Variants in KPNA4 observed in about 807,000 individuals in gnomAD.
The protein encoded by KPNA4 is importin subunit alpha-3.
In KPNA4, 13 loss-of-function variants were observed where a neutral mutation model predicts 71.3. That is an observed-to-expected ratio of 0.18 (90% confidence interval 0.12 to 0.29). The LOEUF (loss-of-function observed/expected upper bound fraction) is 0.29. KPNA4 is among the 10% of genes least tolerant of loss of function. The pLI, the probability that KPNA4 is intolerant of heterozygous loss-of-function variation, is 1.00. For synonymous variants in KPNA4, 189 were observed against 195.2 expected, an observed-to-expected ratio of 0.97 and a Z score of 0.26; for missense variants, 334 against 603.2, an observed-to-expected ratio of 0.55 and a Z score of 4.67.
At chr3:160,531,012 T>G in intron 6 of KPNA4, 72 bp from the exon 7 acceptor site, 1 of 994,912 alleles carries the variant, frequency 1.0e-6, no homozygotes, top group South Asian at 1.5e-5. Flanking sequence ...CCATTCTTCC[T>G]TCTACCATTT....
chr3:160,522,379 A>T (rs1246033155), intron 10 of KPNA4, among the ~76,000 whole-genome samples: 1 of 152,264 alleles, frequency 6.6e-6, no homozygotes, highest in Non-Finnish European at 1.5e-5. Context: ...CCTAAAGCCA[A>T]TAACCCAAGT....
chr3:160,503,809 G>A (rs957773053), intron 16 of KPNA4, among the ~76,000 whole-genome samples: 10 of 152,202 alleles, frequency 6.6e-5, no homozygotes, highest in African/African-American at 1.9e-4. Context: ...CAGGCTGGGC[G>A]TGGTGGCTCA....
intron 13 of KPNA4, among the ~76,000 whole-genome samples, chr3:160,511,068 G>A (rs1259541302): frequency 3.3e-5 from 5 of 151,570 alleles, no homozygotes; most frequent in African/African-American, 7.3e-5. Context: ...GGGATTACAC[G>A]TGTGAGCCAC....
In KPNA4 at chr3:160,531,454, G is replaced by A. The variant is rs2108552246; in HGVS notation, c.383+8C>T. ...AATTAAAAAAAAAAAAATAAATAAT[G>A]TACTCACTTGTCATCTCTTTCAAGA... On this transcript the variant is annotated splice_region_variant and intron_variant, in intron 6 of 16. Transcript: ENST00000334256. The A allele has an allele frequency of 2.3e-6, 3 of 1,326,042 alleles. No individual in the cohort carries two copies. The highest frequency in any genetic ancestry group is 4.9e-5 in the East Asian group (2 of 41,050). 82.1% of individuals were successfully genotyped at this position (1,326,042 alleles called of 1,614,324 possible). A position where few individuals can be genotyped will look rare whatever the true frequency, so the allele number is the denominator to read the frequency against.
Position 160,565,551 on chromosome 3 carries a change from A to AG in KPNA4, c.-270dup, listed in dbSNP as rs1722337438. On this transcript the variant is annotated 5_prime_UTR_variant, in exon 1 of 17. Transcript: ENST00000334256. ...GCGACGGAATGTGCTGCCGGCTGAG[A>AG]GGGGGAGGCAGCCTCGATCTGAGGG... 1 of 527,464 alleles carries AG rather than the reference A, an allele frequency of 1.9e-6. No individual in the cohort carries two copies. Among genetic ancestry groups the AG allele is most frequent in the African/African-American group, 2.0e-5 (1 of 49,200 alleles). 32.7% of individuals were successfully genotyped at this position (527,464 alleles called of 1,614,324 possible).
At chr3:160,525,563 A>G (rs931223878) in intron 10 of KPNA4, among the ~76,000 whole-genome samples, 2 of 152,200 alleles carry the variant, frequency 1.3e-5, no homozygotes, top group South Asian at 2.1e-4. Flanking sequence ...CCACACCAAA[A>G]TAACAGTTAT....
At chr3:160,502,593 A>G (rs999673395) in intron 16 of KPNA4, among the ~76,000 whole-genome samples, 1 of 151,448 alleles carries the variant, frequency 6.6e-6, no homozygotes, top group African/African-American at 2.4e-5. Flanking sequence ...CTGGTCTCAA[A>G]CTCCTAAGCT....
At chr3:160,524,107 A>G (rs1721414774) in intron 10 of KPNA4, among the ~76,000 whole-genome samples, 1 of 152,204 alleles carries the variant, frequency 6.6e-6, no homozygotes, top group South Asian at 2.1e-4. Context: ...CACATTATTT[A>G]GTAAGCAATA....
intron 5 of KPNA4, among the ~76,000 whole-genome samples, chr3:160,534,973 C>CGG (rs1399256151): frequency 1.3e-5 from 2 of 151,894 alleles, no homozygotes; most frequent in African/African-American, 4.8e-5. Flanking sequence ...CCGCCCACCT[C>CGG]GGCCTCCCAA....
intron 13 of KPNA4, among the ~76,000 whole-genome samples, chr3:160,512,822 C>T (rs979943180): frequency 6.6e-6 from 1 of 150,826 alleles, no homozygotes; most frequent in Non-Finnish European, 1.5e-5. Flanking sequence ...ACAGCGAGAC[C>T]GTCTAAAAAA....
At chr3:160,535,295 A>G (rs1362706979) in intron 5 of KPNA4, among the ~76,000 whole-genome samples, 1 of 152,194 alleles carries the variant, frequency 6.6e-6, no homozygotes, top group Non-Finnish European at 1.5e-5. Flanking sequence ...TTCAGTGTAC[A>G]CTTTCAACTA....
At chr3:160,553,102 T>A (rs1722073782) in intron 1 of KPNA4, among the ~76,000 whole-genome samples, 1 of 152,218 alleles carries the variant, frequency 6.6e-6, no homozygotes, top group Admixed American at 6.5e-5. Flanking sequence ...CCCCAGATTA[T>A]GACAGTGAGT....
Position 160,505,008 on chromosome 3 carries a change from T to C in KPNA4, c.1417A>G (p.Ile473Val). Residue 473 changes from isoleucine (I) to valine (V), a missense_variant, in exon 16 of 17, where the codon ATC becomes GTC. Coordinates refer to ENST00000334256, the MANE Select transcript of KPNA4 (RefSeq NM_002268.5). ...ATGATCTCATAGGCCAATTTGTAGA[T>C]GTCTTCATTTTCATGATTTTGAAGT... is the stretch of plus-strand genomic sequence containing the variant. ...EQLQNHENED[I>V]YKLAYEIIDQ... is the part of the protein sequence containing the mutation. 8 of 1,571,616 alleles carry C rather than the reference T, an allele frequency of 5.1e-6. No homozygotes were observed. The highest frequency in any genetic ancestry group is 6.9e-6 in the Non-Finnish European group (8 of 1,159,414).
intron 13 of KPNA4, among the ~76,000 whole-genome samples, chr3:160,511,720 A>G (rs544570219): frequency 6.7e-6 from 1 of 149,356 alleles, no homozygotes; most frequent in African/African-American, 2.4e-5. Flanking sequence ...ATTTTTATAT[A>G]TATATATATA....
At chr3:160,520,002 G>A (rs1274996226) in intron 11 of KPNA4, among the ~76,000 whole-genome samples, 1 of 152,050 alleles carries the variant, frequency 6.6e-6, no homozygotes, top group African/African-American at 2.4e-5. Context: ...TCTATAAGGT[G>A]TCAGGTAGAG....
chr3:160,508,312 C>G, intron 14 of KPNA4, 43 bp from the exon 15 acceptor site: 1 of 1,384,584 alleles, frequency 7.2e-7, no homozygotes, highest in Admixed American at 2.4e-5. Context: ...TATAGGTAAA[C>G]TTTGTGTGCC....
At chr3:160,548,283 T>G (rs1037379196) in intron 1 of KPNA4, among the ~76,000 whole-genome samples, 4 of 152,086 alleles carry the variant, frequency 2.6e-5, no homozygotes, top group African/African-American at 9.7e-5. Context: ...ACTTTAAAAT[T>G]TAGAAAATTT....
At chr3:160,553,377 CT>C (rs1392445830) in intron 1 of KPNA4, among the ~76,000 whole-genome samples, 4 of 152,140 alleles carry the variant, frequency 2.6e-5, no homozygotes, top group Non-Finnish European at 5.9e-5. Context: ...TTGGGCACAG[CT>C]TATTAGCTCA....
At chr3:160,518,883 A>G (rs771833434) in intron 11 of KPNA4, among the ~76,000 whole-genome samples, 1 of 152,132 alleles carries the variant, frequency 6.6e-6, no homozygotes, top group Non-Finnish European at 1.5e-5. Flanking sequence ...AAAGTAAATC[A>G]ACTAATCATA....
Sources: allele counts gnomAD v4.1 joint callset (sites outside exome capture counted in the v4.1 genomes callset), GRCh38; gene constraint gnomAD v4.1.1; transcripts MANE v1.5; gene names NCBI Gene and HGNC (gene_info 2026-07-23, HGNC 2026-07-21).